CSMD1: variants seen among roughly 807,000 people sequenced by gnomAD.
CSMD1 encodes the protein CUB and Sushi multiple domains 1.
CSMD1 carries 213 observed loss-of-function variants against 417.5 expected under a neutral mutation model. The observed-to-expected ratio is 0.51, with a 90% CI of 0.46 to 0.57. The LOEUF (loss-of-function observed/expected upper bound fraction) is 0.57. CSMD1 is among the 20% of genes least tolerant of loss of function. The probability of loss-of-function intolerance (pLI) is 0.00; values close to 1 mark genes in which losing one functional copy is unlikely to be tolerated. For missense variants in CSMD1, 6,923 were observed against 4,529.7 expected, an observed-to-expected ratio of 1.53 and a Z score of -15.17; for synonymous variants, 2,862 against 1,736.8, an observed-to-expected ratio of 1.65 and a Z score of -16.11.
chr8:4,525,017 A>G (rs1367601901), intron 2 of CSMD1, among the ~76,000 whole-genome samples: 2 of 152,192 alleles, frequency 1.3e-5, no homozygotes, highest in Non-Finnish European at 2.9e-5. Flanking sequence ...ATTGCAGTTT[A>G]TATTTTGAAT....
chr8:4,825,431 C>A (rs1203559444), intron 1 of CSMD1, among the ~76,000 whole-genome samples: 1 of 152,000 alleles, frequency 6.6e-6, no homozygotes, highest in African/African-American at 2.4e-5. Flanking sequence ...ACAGTGTAGA[C>A]CAGCAGTTTT....
chr8:4,960,025 G>A (rs924892879), intron 1 of CSMD1, among the ~76,000 whole-genome samples: 3 of 152,084 alleles, frequency 2.0e-5, no homozygotes, highest in East Asian at 1.9e-4. Context: ...TTTCAACAAG[G>A]CATATGTAGC....
intron 3 of CSMD1, among the ~76,000 whole-genome samples, chr8:4,110,781 G>C (rs887546017): frequency 2.0e-5 from 3 of 151,988 alleles, no homozygotes; most frequent in African/African-American, 7.2e-5. Context: ...TCAAACGAGA[G>C]ATATTTTCAA....
intron 5 of CSMD1, among the ~76,000 whole-genome samples, chr8:3,966,086 G>A (rs562477036): frequency 6.6e-6 from 1 of 152,314 alleles, no homozygotes; most frequent in South Asian, 2.1e-4. Context: ...TCCAGGAGTA[G>A]GGACTACGAA....
At chr8:4,736,408 T>C (rs1400783293) in intron 1 of CSMD1, among the ~76,000 whole-genome samples, 1 of 151,950 alleles carries the variant, frequency 6.6e-6, no homozygotes, top group African/African-American at 2.4e-5. Flanking sequence ...AGCAATGATT[T>C]AGAAATTGGT....
At chr8:4,624,490 T>C (rs1013275231) in intron 2 of CSMD1, among the ~76,000 whole-genome samples, 13 of 152,070 alleles carry the variant, frequency 8.5e-5, no homozygotes, top group African/African-American at 2.9e-4. Context: ...ACATCAGAGG[T>C]TGCAAGCGCT....
chr8:3,937,062 A>T (rs1369242583), intron 5 of CSMD1, among the ~76,000 whole-genome samples: 1 of 152,190 alleles, frequency 6.6e-6, no homozygotes, highest in Admixed American at 6.6e-5. Context: ...CAGCAAGAGA[A>T]ACAGAATTAG....
intron 21 of CSMD1, among the ~76,000 whole-genome samples, chr8:3,351,662 A>T (rs762523362): frequency 1.2e-3 from 186 of 149,292 alleles, no homozygotes; most frequent in South Asian, 2.7e-3. Context: ...TAACTAGAAA[A>T]ATTATTTTAA....
chr8:3,684,926 T>A (rs960571575), intron 7 of CSMD1, among the ~76,000 whole-genome samples: 1 of 152,176 alleles, frequency 6.6e-6, no homozygotes, highest in African/African-American at 2.4e-5. Context: ...CGGGAAGCAC[T>A]TGGCCAAAGT....
At chr8:4,109,220 T>C (rs562498828) in intron 3 of CSMD1, among the ~76,000 whole-genome samples, 39 of 152,324 alleles carry the variant, frequency 2.6e-4, no homozygotes, top group African/African-American at 8.7e-4. Flanking sequence ...ATTTTCGGTA[T>C]AGACACAACC....
At chr8:4,420,180 C>T in intron 2 of CSMD1, 115 bp from the exon 3 acceptor site, 1 of 622,306 alleles carries the variant, frequency 1.6e-6, no homozygotes, top group South Asian at 1.9e-5. Flanking sequence ...TGAAATATGG[C>T]ATTAAACACT....
intron 5 of CSMD1, among the ~76,000 whole-genome samples, chr8:3,989,055 G>T (rs1416835044): frequency 1.3e-5 from 2 of 152,154 alleles, no homozygotes; most frequent in Non-Finnish European, 2.9e-5. Context: ...TTTCATTGTA[G>T]GGCAGAAATC....
intron 5 of CSMD1, among the ~76,000 whole-genome samples, chr8:3,926,038 C>CACACAA (rs879382826): frequency 9.1e-6 from 1 of 110,328 alleles, no homozygotes; most frequent in Non-Finnish European, 2.0e-5. Flanking sequence ...CACACACACA[C>CACACAA]ACACAAACAC....
chr8:4,982,423 T>C (rs775470469), intron 1 of CSMD1, among the ~76,000 whole-genome samples: 7 of 152,190 alleles, frequency 4.6e-5, no homozygotes, highest in African/African-American at 1.7e-4. Flanking sequence ...TAAAATTATC[T>C]TGCTACAAAT....
intron 3 of CSMD1, among the ~76,000 whole-genome samples, chr8:4,188,191 G>T (rs1402431083): frequency 1.3e-5 from 2 of 152,042 alleles, no homozygotes; most frequent in African/African-American, 4.8e-5. Flanking sequence ...GATGATTTTG[G>T]CAGGAAGGGA....
chr8:3,136,407 G>A (rs1186973355), intron 41 of CSMD1, among the ~76,000 whole-genome samples: 1 of 151,944 alleles, frequency 6.6e-6, no homozygotes, highest in Non-Finnish European at 1.5e-5. Flanking sequence ...TGGGATCACA[G>A]GCGCTCCCCA....
At chr8:2,976,656 T>G (rs896279124) in intron 55 of CSMD1, among the ~76,000 whole-genome samples, 2 of 152,220 alleles carry the variant, frequency 1.3e-5, no homozygotes, top group African/African-American at 4.8e-5. Context: ...GCCTCCACTT[T>G]CTTTATGGAT....
At chr8:4,952,473 G>A (rs187261273) in intron 1 of CSMD1, among the ~76,000 whole-genome samples, 1 of 151,810 alleles carries the variant, frequency 6.6e-6, no homozygotes, top group African/African-American at 2.4e-5. Context: ...TAAAAGAAAA[G>A]GCAAAATATT....
rs956539562 is a variant in CSMD1, at chr8:4,551,880, G to T, written c.302+85462C>A. 6.0e-5 allele frequency among the ~76,000 whole-genome samples: 9 copies of T among 149,956 alleles called. No homozygotes were observed. In the East Asian group the frequency reaches 9.8e-4, roughly 16 times the overall value. ...TTTTTTTTTTTTTTGTAGAGATGGG[G>T]TATCACCATGTTGCTCAGGCAGACT... On this transcript the variant is annotated intron_variant, in intron 2 of 69. Transcript: ENST00000635120.
Sources: gnomAD v4.1 joint callset for allele counts (sites outside exome capture counted in the v4.1 genomes callset) on GRCh38, gnomAD v4.1.1 for gene constraint, MANE v1.5 for transcripts, NCBI Gene and HGNC (gene_info 2026-07-23, HGNC 2026-07-21) for gene names.